Variants in PIK3C2G observed in about 807,000 individuals in gnomAD.
The protein encoded by PIK3C2G is phosphatidylinositol 3-kinase C2 domain-containing subunit gamma.
In PIK3C2G, 168 loss-of-function variants were observed where a neutral mutation model predicts 181.1. The ratio of observed to expected loss-of-function variants is 0.93; its 90% CI spans 0.82 to 1.05. The LOEUF is 1.05. Ranked by LOEUF, PIK3C2G falls within the 50% of genes least tolerant of loss-of-function variation. PIK3C2G has a pLI of 0.00. For missense variants in PIK3C2G, 1,869 were observed against 1,732.8 expected, an observed-to-expected ratio of 1.08 and a Z score of -1.40; for synonymous variants, 573 against 592.2, an observed-to-expected ratio of 0.97 and a Z score of 0.47.
At chr12:18,462,917 G>T (rs1947998106) in intron 18 of PIK3C2G, among the ~76,000 whole-genome samples, 1 of 150,104 alleles carries the variant, frequency 6.7e-6, no homozygotes, top group Non-Finnish European at 1.5e-5. Flanking sequence ...TCAATGGTTT[G>T]CAAACAAACA....
chr12:18,705,795 G>C, the PIK3C2G span, among the ~76,000 whole-genome samples: 1 of 152,112 alleles, frequency 6.6e-6, no homozygotes, highest in Non-Finnish European at 1.5e-5. Context: ...GAACCCGGGA[G>C]GCAGAGATTA....
At chr12:18,290,661 T>A (rs1409437106) in intron 3 of PIK3C2G, among the ~76,000 whole-genome samples, 194 bp from the exon 4 acceptor site, 1 of 152,186 alleles carries the variant, frequency 6.6e-6, no homozygotes, top group Non-Finnish European at 1.5e-5. Context: ...GTTTTTGGTA[T>A]AATTGCAATC....
chr12:18,268,361 T>C (rs1325320141), intron 1 of PIK3C2G, among the ~76,000 whole-genome samples: 2 of 151,908 alleles, frequency 1.3e-5, no homozygotes, highest in African/African-American at 2.4e-5. Flanking sequence ...GTCAACTGTA[T>C]TGATGCTAAG....
intron 24 of PIK3C2G, among the ~76,000 whole-genome samples, chr12:18,531,348 T>C (rs767258836): frequency 1.4e-4 from 22 of 152,178 alleles, no homozygotes; most frequent in Admixed American, 2.6e-4. Context: ...TATGCAGTTG[T>C]AATAAATAAT....
intron 18 of PIK3C2G, among the ~76,000 whole-genome samples, chr12:18,472,504 T>C (rs1282041040): frequency 1.3e-5 from 2 of 152,194 alleles, no homozygotes; most frequent in Non-Finnish European, 2.9e-5. Context: ...ACATGAACTC[T>C]GGTCATCACG....
chr12:18,717,572 T>C, the PIK3C2G span, among the ~76,000 whole-genome samples: 1 of 152,162 alleles, frequency 6.6e-6, no homozygotes, highest in Admixed American at 6.5e-5. Context: ...GACTATCTGA[T>C]CTAGCCATTT....
chr12:18,387,396 C>T (rs1468003711), intron 14 of PIK3C2G, among the ~76,000 whole-genome samples: 1 of 152,176 alleles, frequency 6.6e-6, no homozygotes, highest in Non-Finnish European at 1.5e-5. Context: ...CCCATCGCTT[C>T]TCTTGCCAGT....
chr12:18,597,522 A>C (rs539296146), intron 30 of PIK3C2G, among the ~76,000 whole-genome samples: 2 of 152,268 alleles, frequency 1.3e-5, no homozygotes, highest in East Asian at 1.9e-4. Flanking sequence ...CTATTAAGGA[A>C]GTTGTTTTCC....
chr12:18,292,210 C>CAAAA (rs745371375), intron 4 of PIK3C2G, among the ~76,000 whole-genome samples: 8 of 28,618 alleles, frequency 2.8e-4, no homozygotes, highest in African/African-American at 6.7e-4. Context: ...AACTCCATCT[C>CAAAA]AAAAAAAAAA....
chr12:18,611,995 T>A (rs1948364146), intron 31 of PIK3C2G, among the ~76,000 whole-genome samples: 1 of 152,126 alleles, frequency 6.6e-6, no homozygotes, highest in African/African-American at 2.4e-5. Context: ...CATATCCCTT[T>A]GCGGAAGGAG....
chr12:18,257,870 AAAAG>A (rs953480817), upstream of PIK3C2G, among the ~76,000 whole-genome samples: 18 of 151,986 alleles, frequency 1.2e-4, no homozygotes, highest in African/African-American at 1.9e-4. Flanking sequence ...AGAAGATAGA[AAAAG>A]AAAGAAAGAA....
At chr12:18,526,048 A>G (rs1340398302) in intron 24 of PIK3C2G, among the ~76,000 whole-genome samples, 1 of 152,170 alleles carries the variant, frequency 6.6e-6, no homozygotes, top group African/African-American at 2.4e-5. Context: ...TCAATAGTTA[A>G]TTACCACTGA....
intron 31 of PIK3C2G, among the ~76,000 whole-genome samples, chr12:18,618,872 T>C (rs982189466): frequency 4.6e-5 from 7 of 152,090 alleles, no homozygotes; most frequent in Non-Finnish European, 8.8e-5. Context: ...AACTTGAAGA[T>C]AGACTCATAG....
chr12:18,568,621 C>A (rs542118922), intron 29 of PIK3C2G, among the ~76,000 whole-genome samples: 11 of 152,092 alleles, frequency 7.2e-5, no homozygotes, highest in African/African-American at 2.2e-4. Context: ...ATGAGGCCTA[C>A]CCATATTATG....
chr12:18,569,584 A>G (rs560021993), intron 29 of PIK3C2G, among the ~76,000 whole-genome samples: 1 of 152,276 alleles, frequency 6.6e-6, no homozygotes, highest in South Asian at 2.1e-4. Flanking sequence ...CCATACTGTT[A>G]TGAACATTCT....
At chr12:18,337,518 A>G (rs1164742932) in intron 8 of PIK3C2G, among the ~76,000 whole-genome samples, 2 of 152,154 alleles carry the variant, frequency 1.3e-5, no homozygotes, top group African/African-American at 2.4e-5. Context: ...CAGACAATAC[A>G]AGAAGTGTGG....
chr12:18,696,025 AC>A, the PIK3C2G span: 1 of 581,794 alleles, frequency 1.7e-6, no homozygotes. Context: ...TTAGTGCCTG[AC>A]CCCAAAGCCC....
chr12:18,395,080 A>C (rs57788740), intron 15 of PIK3C2G, among the ~76,000 whole-genome samples: 2,630 of 105,208 alleles, frequency 0.025, 104 homozygotes, highest in Admixed American at 0.14. Flanking sequence ...TGCCTCTTTC[A>C]TTCCTTCTTT....
At chr12:18,613,685 C>G (rs1948456171) in intron 31 of PIK3C2G, among the ~76,000 whole-genome samples, 1 of 152,008 alleles carries the variant, frequency 6.6e-6, no homozygotes, top group Non-Finnish European at 1.5e-5. Flanking sequence ...CCGTCTCTTT[C>G]ATTTCTAGAC....
Sources: allele counts gnomAD v4.1 joint callset (sites outside exome capture counted in the v4.1 genomes callset), GRCh38; gene constraint gnomAD v4.1.1; transcripts MANE v1.5; gene names NCBI Gene and HGNC (gene_info 2026-07-23, HGNC 2026-07-21).